Variants in BRIP1 observed in about 807,000 individuals in gnomAD.
BRIP1 encodes Fanconi anemia group J protein.
Under a neutral mutation model 119.7 loss-of-function variants are expected in BRIP1, and 88 were observed. The observed-to-expected ratio is 0.74, with a 90% CI of 0.62 to 0.88. The LOEUF (loss-of-function observed/expected upper bound fraction) is 0.88. Among genes scored for constraint, BRIP1 ranks in the 40% least tolerant of loss-of-function variants. BRIP1 has a pLI of 0.00. For synonymous variants in BRIP1, 443 were observed against 496.5 expected (o/e 0.89, Z 1.43); for missense variants, 1,259 against 1,455.4 (o/e 0.87, Z 2.20).
At chr17:61,697,336 CAAAAAAAAAAAAAA>C (rs55963888) in intron 17 of BRIP1, among the ~76,000 whole-genome samples, 8 of 59,140 alleles carry the variant, frequency 1.4e-4, no homozygotes, top group Admixed American at 5.0e-4. Context: ...GACTCTGTCT[CAAAAAAAAAAAAAA>C]AAAAAAAAAA....
intron 6 of BRIP1, among the ~76,000 whole-genome samples, chr17:61,817,571 A>G (rs2078255994): frequency 6.6e-6 from 1 of 152,198 alleles, no homozygotes; most frequent in Non-Finnish European, 1.5e-5. Context: ...GCACTACCCA[A>G]CAGGATTTTC....
rs2061249086 is a variant in BRIP1 at position 61,679,408 on chromosome 17, T to C, written c.*3888A>G. Among the ~76,000 whole-genome samples, 1 of 152,202 alleles carries C rather than the reference T, an allele frequency of 6.6e-6. No homozygotes were observed. The highest frequency in any genetic ancestry group is 2.1e-4 in the South Asian group (1 of 4,824). On this transcript the variant is annotated 3_prime_UTR_variant, in exon 20 of 20. Transcript: ENST00000259008. This position sits in a 1 kb window ranked among gnomAD's most constrained non-coding sequence, Gnocchi z 4.4. ...ATCTACTCTTTACATTGTACCTTTA[T>C]TCCAAGAATAAAGCCCTGTCTCTAA...
chr17:61,712,962 T>C (rs1169284391), intron 17 of BRIP1, among the ~76,000 whole-genome samples: 1 of 152,066 alleles, frequency 6.6e-6, no homozygotes, highest in African/African-American at 2.4e-5. Flanking sequence ...ACAAATTAGA[T>C]GTTGATGCCC....
Position 61,810,529 on chromosome 17 carries a change from A to C in BRIP1, c.628-1772T>G, listed in dbSNP as rs1463353315. Among the ~76,000 whole-genome samples, 1 of 152,196 alleles carries C rather than the reference A, an allele frequency of 6.6e-6. No homozygotes were observed. The highest frequency in any genetic ancestry group is 1.5e-5 in the Non-Finnish European group (1 of 68,030). On this transcript the variant is annotated intron_variant, in intron 6 of 19. Transcript: ENST00000259008. The surrounding 1 kb of genome is among the most constrained non-coding windows in gnomAD (Gnocchi z 4.7). ...ATTTCTCTTCCTTATGATACAGTTA[A>C]ATTCATGTGAATACTAGAATGCTAT...
At chr17:61,833,564 G>A (rs1377234900) in intron 6 of BRIP1, among the ~76,000 whole-genome samples, 9 of 151,834 alleles carry the variant, frequency 5.9e-5, no homozygotes, top group Admixed American at 3.9e-4. Flanking sequence ...CCAGCTACTC[G>A]AGCGGCTGAG....
intron 11 of BRIP1, 135 bp from the exon 12 acceptor site, chr17:61,781,140 C>T (rs1291160447): frequency 4.0e-6 from 3 of 754,916 alleles, no homozygotes; most frequent in Non-Finnish European, 6.5e-6. Flanking sequence ...ATAACATTCT[C>T]CTTACCATTA....
intron 6 of BRIP1, among the ~76,000 whole-genome samples, chr17:61,821,913 T>C (rs2078332279): frequency 1.3e-5 from 2 of 152,252 alleles, no homozygotes; most frequent in East Asian, 1.9e-4. Context: ...TCAGCAGATA[T>C]TGAAGGCTCA....
intron 4 of BRIP1, among the ~76,000 whole-genome samples, chr17:61,850,690 T>C (rs1196296006): frequency 6.6e-6 from 1 of 151,670 alleles, no homozygotes; most frequent in African/African-American, 2.4e-5. Flanking sequence ...TAGCTGTGCA[T>C]GTTGGTGCAG....
Position 61,789,750 on chromosome 17 carries a change from T to G in BRIP1, c.1473+3847A>C, listed in dbSNP as rs2077786963. ...TAAATAGGAAAGTATACACAATATA[T>G]TGTTAAATTAAAAGAGGGTAAAACA... On this transcript the variant is annotated intron_variant, in intron 10 of 19. Transcript: ENST00000259008. The surrounding 1 kb of genome is among the most constrained non-coding windows in gnomAD (Gnocchi z 4.8). 6.6e-6 allele frequency among the ~76,000 whole-genome samples: 1 copy of G among 152,150 alleles called. No homozygotes were observed. The highest frequency in any genetic ancestry group is 2.4e-5 in the African/African-American group (1 of 41,440).
chr17:61,743,862 C>A lies in BRIP1; in HGVS notation c.2257+570G>T, dbSNP rs1346971885. ...GCACCACACCCTGCTAATGTTTGTA[C>A]TTTTTGTAGAGACAGGATTTCACCA... On this transcript the variant is annotated intron_variant, in intron 15 of 19. Transcript: ENST00000259008. The surrounding 1 kb of genome is among the most constrained non-coding windows in gnomAD (Gnocchi z 4.3). Among the ~76,000 whole-genome samples the A allele has an allele frequency of 6.6e-6, 1 of 151,796 alleles. No homozygotes were observed. The highest frequency in any genetic ancestry group is 1.5e-5 in the Non-Finnish European group (1 of 67,922).
Position 61,759,747 on chromosome 17 carries a change from T to TA in BRIP1, c.2098-15157dup, listed in dbSNP as rs1183258690. On this transcript the variant is annotated intron_variant, in intron 14 of 19. Transcript: ENST00000259008. The surrounding 1 kb of genome is among the most constrained non-coding windows in gnomAD (Gnocchi z 4.9). ...TTATGTGTACAAGTGGCATTATGTC[T>TA]AAAAAAATACATACCTTAATTTTAA... Among the ~76,000 whole-genome samples, 3 of 152,090 alleles carry TA rather than the reference T, an allele frequency of 2.0e-5. No individual in the cohort carries two copies. The highest frequency in any genetic ancestry group is 2.0e-4 in the Admixed American group (3 of 15,268).
At chr17:61,696,198 CT>C (rs56672402) in intron 17 of BRIP1, among the ~76,000 whole-genome samples, 3,632 of 136,840 alleles carry the variant, frequency 0.027, 86 homozygotes, top group African/African-American at 0.061. Flanking sequence ...CTGTTTTATG[CT>C]TTTTTTTTTT....
rs1314907755 is a variant in BRIP1, at chr17:61,768,428, C to T, written c.2097+7973G>A. 1.3e-5 allele frequency among the ~76,000 whole-genome samples: 2 copies of T among 152,154 alleles called. No individual in the cohort carries two copies. The highest frequency in any genetic ancestry group is 2.1e-4 in the South Asian group (1 of 4,830). ...GTTTGCAGTTCTAAAATACCTCTAA[C>T]TTCAAAGGCAGTAAGAAAGACTTGG... On this transcript the variant is annotated intron_variant, in intron 14 of 19. Transcript: ENST00000259008. This position sits in a 1 kb window ranked among gnomAD's most constrained non-coding sequence, Gnocchi z 5.0.
chr17:61,844,570 A>G lies in BRIP1; in HGVS notation c.627+2531T>C, dbSNP rs1216600350. 6.6e-6 allele frequency among the ~76,000 whole-genome samples: 1 copy of G among 152,226 alleles called. No homozygotes were observed. Among genetic ancestry groups the G allele is most frequent in the Non-Finnish European group, 1.5e-5 (1 of 68,040 alleles). ...ACACCACTGCGTTACAACATGGGCA[A>G]CACATTGAGACCCTGTGTCTACAAA... is the stretch of plus-strand genomic sequence containing the variant. On this transcript the variant is annotated intron_variant, in intron 6 of 19. Transcript: ENST00000259008. The surrounding 1 kb of genome is among the most constrained non-coding windows in gnomAD (Gnocchi z 4.7).
chr17:61,783,493 T>C (rs776194076), intron 11 of BRIP1, among the ~76,000 whole-genome samples: 3 of 152,080 alleles, frequency 2.0e-5, no homozygotes, highest in Non-Finnish European at 2.9e-5. Flanking sequence ...ATGTACAACA[T>C]TGCAAATATA....
In BRIP1 at chr17:61,802,079, C is replaced by A. The variant is rs985694616; in HGVS notation, c.919-605G>T. On this transcript the variant is annotated intron_variant, in intron 7 of 19. Coordinates refer to ENST00000259008, the MANE Select transcript of BRIP1 (RefSeq NM_032043.3). The surrounding 1 kb of genome is among the most constrained non-coding windows in gnomAD (Gnocchi z 6.0). The stretch of plus-strand genomic sequence containing the variant: ...CTAAATTATCCATAATTCTATTACA[C>A]AAAGAATGCACTAGAAACATTTTGG... 6.6e-5 allele frequency among the ~76,000 whole-genome samples: 10 copies of A among 152,150 alleles called. No homozygotes were observed. Among genetic ancestry groups the A allele is most frequent in the African/African-American group, 2.2e-4 (9 of 41,440 alleles).
rs1268488241 is a variant in BRIP1, at chr17:61,722,009, G to A, written c.2380-5946C>T. Reference sequence around the variant, plus strand: ...CTCCCAAAGTGCTGGGATTACAGGTGTGAGCCACCACGCCTAGCCAACTTT... The same window carrying A: ...CTCCCAAAGTGCTGGGATTACAGGTATGAGCCACCACGCCTAGCCAACTTT... On this transcript the variant is annotated intron_variant, in intron 16 of 19. Coordinates refer to ENST00000259008, the MANE Select transcript of BRIP1 (RefSeq NM_032043.3). The surrounding 1 kb of genome is among the most constrained non-coding windows in gnomAD (Gnocchi z 4.6). Among the ~76,000 whole-genome samples, 5 of 150,494 alleles carry A rather than the reference G, an allele frequency of 3.3e-5. No homozygotes were observed.
chr17:61,776,526 G>A lies in BRIP1; in HGVS notation c.1972C>T (p.Arg658Trp), dbSNP rs786203170. The change falls in exon 14 of 20, where the codon CGG becomes TGG. Residue 658 changes from arginine (R) to tryptophan (W), a missense_variant. Arg to Trp is a moderately radical substitution (Grantham distance 101, BLOSUM62 -3). Transcript: ENST00000259008. This position sits in a 1 kb window ranked among gnomAD's most constrained non-coding sequence, Gnocchi z 5.0. ...TTCTGGAAGGTAGCACAGAGATTCC[G>A]ACCCTTGGGGCCTGACCCAATGGTA... ...VGTIGSGPKG[R>W]NLCATFQNTE... 14 of 1,614,080 alleles carry A rather than the reference G, an allele frequency of 8.7e-6. No homozygotes were observed. The highest frequency in any genetic ancestry group is 3.3e-5 in the South Asian group (3 of 91,078).
At position 61,798,649 on chromosome 17, in the gene BRIP1, A is replaced by T. The variant is rs2077938411; in HGVS notation, c.1340+451T>A. Among the ~76,000 whole-genome samples the T allele has an allele frequency of 6.6e-6, 1 of 152,002 alleles. No individual in the cohort carries two copies. Among genetic ancestry groups the T allele is most frequent in the Non-Finnish European group, 1.5e-5 (1 of 67,930 alleles). On this transcript the variant is annotated intron_variant, in intron 9 of 19. Transcript: ENST00000259008. The surrounding 1 kb of genome is among the most constrained non-coding windows in gnomAD (Gnocchi z 5.5). ...GTCTAATAAAAGAAAAATTAGTGTA[A>T]ATTGTCATAAAGCTAGTACTAAATA...
Sources: gnomAD v4.1 joint callset for allele counts (sites outside exome capture counted in the v4.1 genomes callset) on GRCh38, gnomAD v4.1.1 for gene constraint, Gnocchi (gnomAD v3.1) non-coding constraint, MANE v1.5 for transcripts, NCBI Gene and HGNC (gene_info 2026-07-23, HGNC 2026-07-21) for gene names.